The following HACD4 variants were observed in gnomAD, a reference collection of about 807,000 sequenced individuals.
The protein encoded by HACD4 is very-long-chain (3R)-3-hydroxyacyl-CoA dehydratase 4.
A neutral mutation model predicts 33.3 loss-of-function variants in HACD4; 35 were observed. The observed-to-expected ratio is 1.05, with a 90% CI of 0.80 to 1.39. The LOEUF is 1.39. Among genes scored for constraint, HACD4 ranks in the 40% most tolerant of loss-of-function variants. HACD4 has a pLI of 0.00. For missense variants in HACD4, 323 were observed against 276.5 expected, an observed-to-expected ratio of 1.17 and a Z score of -1.19; for synonymous variants, 118 against 98.0, an observed-to-expected ratio of 1.20 and a Z score of -1.21.
In HACD4 at chr9:21,005,162, A is replaced by T. The variant is rs1257410477; in HGVS notation, c.*1875T>A. 6.6e-6 allele frequency: 1 copy of T among 152,214 alleles called. No homozygotes were observed. Among genetic ancestry groups the T allele is most frequent in the African/African-American group, 2.4e-5 (1 of 41,450 alleles). The allele number at this position is 152,214 out of a possible 1,614,324, so 9.4% of individuals were successfully genotyped here. ...GTGTTCATGTTCTAGTGTTTTGTGGAAAGTAAAATTGTGAGCCATGAAATT... is the reference window on the plus strand; with the variant it reads ...GTGTTCATGTTCTAGTGTTTTGTGGTAAGTAAAATTGTGAGCCATGAAATT... On this transcript the variant is annotated 3_prime_UTR_variant, in exon 7 of 7. Coordinates refer to ENST00000495827, the MANE Select transcript of HACD4 (RefSeq NM_001010915.5). The surrounding 1 kb of genome is among the most constrained non-coding windows in gnomAD (Gnocchi z 4.0).
chr9:21,018,681 G>A (rs2132785479), intron 3 of HACD4, among the ~76,000 whole-genome samples: 1 of 152,166 alleles, frequency 6.6e-6, no homozygotes, highest in African/African-American at 2.4e-5. Context: ...ACTAGAGAAT[G>A]GTCTTGTTTA....
intron 3 of HACD4, among the ~76,000 whole-genome samples, chr9:21,019,041 C>G (rs938677978): frequency 6.6e-6 from 1 of 152,094 alleles, no homozygotes; most frequent in Non-Finnish European, 1.5e-5. Flanking sequence ...CTGAACTTTT[C>G]TGAGAACTTC....
rs1842273902 is a variant in HACD4, at chr9:21,006,541, GGTGA to G, written c.*492_*495del. The G allele has an allele frequency of 1.7e-5, 3 of 179,742 alleles. No individual in the cohort carries two copies. The South Asian group carries it at 3.8e-4, about 23-fold the overall frequency. The allele number at this position is 179,742 out of a possible 1,614,324, so 11.1% of individuals were successfully genotyped here. ...TTTTCTAAACATATCTAATGTTTAGGGTGAGTATTATTAGATCTGAAGACAGACA... is the reference window on the plus strand; with the variant it reads ...TTTTCTAAACATATCTAATGTTTAGGGTATTATTAGATCTGAAGACAGACA... On this transcript the variant is annotated 3_prime_UTR_variant, in exon 7 of 7. Transcript: ENST00000495827. The surrounding 1 kb of genome is among the most constrained non-coding windows in gnomAD (Gnocchi z 4.6).
intron 2 of HACD4, 136 bp downstream of exon 2, chr9:21,029,159 A>C: frequency 1.7e-6 from 1 of 581,650 alleles, no homozygotes; most frequent in Non-Finnish European, 3.0e-6. Flanking sequence ...GTTTTGCAAT[A>C]AACATGGTTG....
rs1842206561 is a variant in HACD4 at position 21,003,789 on chromosome 9, AAAGC to A, written c.*3244_*3247del. On this transcript the variant is annotated 3_prime_UTR_variant, in exon 7 of 7. Transcript: ENST00000495827. ...TCACACTTTTTTTAGATTTTCAAAG[AAAGC>A]ATTTTTCAAAACTATGTAAGGACAT... The A allele has an allele frequency of 6.6e-6, 1 of 152,218 alleles. No individual in the cohort carries two copies. Among genetic ancestry groups the A allele is most frequent in the Non-Finnish European group, 1.5e-5 (1 of 68,034 alleles). 9.4% of individuals were successfully genotyped at this position (152,218 alleles called of 1,614,324 possible).
At chr9:21,008,183 C>T (rs971613892) in intron 5 of HACD4, 37 bp from the exon 6 acceptor site, 29 of 1,573,384 alleles carry the variant, frequency 1.8e-5, no homozygotes, top group Middle Eastern at 1.7e-4. Context: ...GGTATTCCTC[C>T]TTAAGTTGTT....
At chr9:21,021,912 G>A (rs1425360179) in intron 3 of HACD4, among the ~76,000 whole-genome samples, 5 of 151,972 alleles carry the variant, frequency 3.3e-5, no homozygotes, top group South Asian at 2.1e-4. Flanking sequence ...AAAAGAGCCC[G>A]CATCACCAAG....
intron 2 of HACD4, among the ~76,000 whole-genome samples, chr9:21,028,663 C>G (rs1286611119): frequency 6.6e-6 from 1 of 152,126 alleles, no homozygotes; most frequent in Non-Finnish European, 1.5e-5. Context: ...GGACACTTAC[C>G]CACGTGCGGA....
chr9:21,011,544 A>T (rs762557668), intron 5 of HACD4, 45 bp downstream of exon 5: 3 of 1,159,862 alleles, frequency 2.6e-6, no homozygotes, highest in Non-Finnish European at 3.9e-6. Flanking sequence ...TTATAACTAG[A>T]TGGCTTTTGT....
Position 21,006,982 on chromosome 9 carries a change from T to C in HACD4, c.*55A>G. 1 of 967,120 alleles carries C rather than the reference T, an allele frequency of 1.0e-6. No homozygotes were observed. Among genetic ancestry groups the C allele is most frequent in the East Asian group, 2.4e-5 (1 of 41,902 alleles). 59.9% of individuals were successfully genotyped at this position (967,120 alleles called of 1,614,324 possible). A position where few individuals can be genotyped will look rare whatever the true frequency, so the allele number is the denominator to read the frequency against. ...ACCAGAATACTTCCTGTGTTTTATT[T>C]ACTGCACTGAATCCACAGCCTGTCT... On this transcript the variant is annotated 3_prime_UTR_variant, in exon 7 of 7. Coordinates refer to ENST00000495827, the MANE Select transcript of HACD4 (RefSeq NM_001010915.5). The surrounding 1 kb of genome is among the most constrained non-coding windows in gnomAD (Gnocchi z 4.6).
chr9:21,019,229 A>G (rs923637179), intron 3 of HACD4, among the ~76,000 whole-genome samples: 3 of 152,194 alleles, frequency 2.0e-5, no homozygotes, highest in Non-Finnish European at 4.4e-5. Context: ...CATGATATTT[A>G]TATTACACTT....
chr9:21,008,154 AAAAG>A lies in HACD4; in HGVS notation c.491-12_491-9del. The stretch of plus-strand genomic sequence containing the variant: ...ATTGATAGATGGCAAATGCTGTTAA[AAAAG>A]AAAGGCATCATAAAGGTATTCCTCC... On this transcript the variant is annotated splice_polypyrimidine_tract_variant and intron_variant, in intron 5 of 6. Transcript: ENST00000495827. 2 of 1,603,776 alleles carry A rather than the reference AAAAG, an allele frequency of 1.2e-6. No individual in the cohort carries two copies. The highest frequency in any genetic ancestry group is 1.7e-6 in the Non-Finnish European group (2 of 1,175,756).
chr9:21,007,530 A>G (rs1467216100), intron 6 of HACD4, among the ~76,000 whole-genome samples: 1 of 152,182 alleles, frequency 6.6e-6, no homozygotes, highest in African/African-American at 2.4e-5. Context: ...TTTCCTGGAA[A>G]ATGATTAGGT....
At chr9:21,019,829 A>C (rs1817859362) in intron 3 of HACD4, among the ~76,000 whole-genome samples, 1 of 151,266 alleles carries the variant, frequency 6.6e-6, no homozygotes, top group Non-Finnish European at 1.5e-5. Context: ...CAAGCTCAAA[A>C]CTGGTGAGAA....
In HACD4 at chr9:21,029,841, G is replaced by A. The variant is rs139940663; in HGVS notation, c.39-443C>T. Among the ~76,000 whole-genome samples, 1,417 of 152,262 alleles carry A rather than the reference G, an allele frequency of 9.3e-3. 33 individuals carry two copies. Among genetic ancestry groups the A allele is most frequent in the African/African-American group, 0.031 (1,306 of 41,546 alleles). On this transcript the variant is annotated intron_variant, in intron 1 of 6. Coordinates refer to ENST00000495827, the MANE Select transcript of HACD4 (RefSeq NM_001010915.5). Reference sequence around the variant, plus strand: ...TGTTTACCTTCCTGATCATGCGGCCGACTGGGAGCTGCGGCCTGATGCCGC... The same window carrying A: ...TGTTTACCTTCCTGATCATGCGGCCAACTGGGAGCTGCGGCCTGATGCCGC...
At chr9:21,023,357 T>TA (rs924880246) in intron 3 of HACD4, among the ~76,000 whole-genome samples, 1 of 152,024 alleles carries the variant, frequency 6.6e-6, no homozygotes, top group Non-Finnish European at 1.5e-5. Context: ...CCCTAGAACT[T>TA]AAAGTATAAT....
At chr9:21,020,503 C>T (rs7028971) in intron 3 of HACD4, among the ~76,000 whole-genome samples, 1 of 151,880 alleles carries the variant, frequency 6.6e-6, no homozygotes, top group Non-Finnish European at 1.5e-5. Flanking sequence ...ACATTTCAGG[C>T]TTGATAGTGT....
chr9:21,011,341 C>T (rs1434613252), intron 5 of HACD4, among the ~76,000 whole-genome samples: 1 of 152,164 alleles, frequency 6.6e-6, no homozygotes, highest in South Asian at 2.1e-4. Context: ...ACCCAAAACT[C>T]ACACAGTGAG....
rs769197231 is a variant in HACD4 at position 21,008,193 on chromosome 9, T to C, written c.491-47A>G. The C allele has an allele frequency of 8.4e-6, 13 of 1,545,300 alleles. No homozygotes were observed. In the South Asian group the frequency reaches 1.6e-4, roughly 19 times the overall value. ...ATAAAGGTATTCCTCCTTAAGTTGT[T>C]ACAGGGATGTGTATATATGTCTTCA... On this transcript the variant is annotated intron_variant, in intron 5 of 6. Coordinates refer to ENST00000495827, the MANE Select transcript of HACD4 (RefSeq NM_001010915.5).
Sources: allele counts gnomAD v4.1 joint callset (sites outside exome capture counted in the v4.1 genomes callset), GRCh38; gene constraint gnomAD v4.1.1; non-coding constraint Gnocchi (gnomAD v3.1); transcripts MANE v1.5; gene names NCBI Gene and HGNC (gene_info 2026-07-23, HGNC 2026-07-21).